ADAMTS20: variants seen among roughly 807,000 people sequenced by gnomAD.
The protein encoded by ADAMTS20 is ADAM metallopeptidase with thrombospondin type 1 motif 20, also known as A disintegrin and metalloproteinase with thrombospondin motifs 20.
A neutral mutation model predicts 260.1 loss-of-function variants in ADAMTS20; 225 were observed. The ratio of observed to expected loss-of-function variants is 0.87; its 90% CI spans 0.78 to 0.97. ADAMTS20 has a LOEUF of 0.97. Among genes scored for constraint, ADAMTS20 ranks in the 50% least tolerant of loss-of-function variants. The pLI is 0.00. For missense variants in ADAMTS20, 2,400 were observed against 2,337.7 expected, an observed-to-expected ratio of 1.03 and a Z score of -0.55; for synonymous variants, 802 against 769.5, an observed-to-expected ratio of 1.04 and a Z score of -0.70.
At chr12:43,372,237 G>A (rs1940123095) in intron 36 of ADAMTS20, among the ~76,000 whole-genome samples, 1 of 152,152 alleles carries the variant, frequency 6.6e-6, no homozygotes, top group Non-Finnish European at 1.5e-5. Flanking sequence ...CAGAGTTGTA[G>A]AAGATGAAGA....
intron 11 of ADAMTS20, among the ~76,000 whole-genome samples, chr12:43,456,139 T>C (rs936318513): frequency 6.6e-6 from 1 of 152,220 alleles, no homozygotes; most frequent in African/African-American, 2.4e-5. Context: ...ATGTCTTTTT[T>C]GCATTTCATT....
chr12:43,428,649 C>A lies in ADAMTS20; in HGVS notation c.3640G>T (p.Gly1214Trp). 1 of 1,591,042 alleles carries A rather than the reference C, an allele frequency of 6.3e-7. No individual in the cohort carries two copies. The highest frequency in any genetic ancestry group is 8.6e-7 in the Non-Finnish European group (1 of 1,167,588). The change falls in exon 25 of 39, where the codon GGG becomes TGG. Residue 1214 changes from glycine (G) to tryptophan (W), a missense_variant. By Grantham distance (184) the Gly-to-Trp change is radical (BLOSUM62 -2). Transcript: ENST00000389420. ...AGAATACTTACGGGTGACCAATCCC[C>A]TGCTTGCCACTCTCCACAAGGGGTA... is the stretch of plus-strand genomic sequence containing the variant. ...CFTPCGEWQA[G>W]DWSPCSASCG... is the part of the protein sequence containing the mutation.
At chr12:43,480,566 A>G (rs200477942) in intron 7 of ADAMTS20, among the ~76,000 whole-genome samples, 1 of 152,316 alleles carries the variant, frequency 6.6e-6, no homozygotes, top group East Asian at 1.9e-4. Flanking sequence ...GTATACATCA[A>G]TGCATAAGTA....
intron 3 of ADAMTS20, among the ~76,000 whole-genome samples, chr12:43,508,817 T>A (rs1942882546): frequency 6.6e-6 from 1 of 152,172 alleles, no homozygotes; most frequent in Non-Finnish European, 1.5e-5. Context: ...TTGCTGACTG[T>A]AGTCACCTTG....
chr12:43,439,587 G>A (rs751388720), intron 18 of ADAMTS20, 35 bp downstream of exon 18: 1 of 1,578,038 alleles, frequency 6.3e-7, no homozygotes, highest in Admixed American at 1.9e-5. Flanking sequence ...AGAATGCACA[G>A]TCAGTCTTTT....
At chr12:43,427,685 T>C (rs979347489) in intron 26 of ADAMTS20, among the ~76,000 whole-genome samples, 1 of 152,220 alleles carries the variant, frequency 6.6e-6, no homozygotes, top group African/African-American at 2.4e-5. Context: ...GGTGGGACTT[T>C]CAAGTTTGCA....
chr12:43,477,842 T>G (rs1052574970), intron 7 of ADAMTS20, among the ~76,000 whole-genome samples: 1 of 152,212 alleles, frequency 6.6e-6, no homozygotes. Flanking sequence ...TCAAGGTGCA[T>G]GTGGATGTTG....
chr12:43,492,732 G>T, intron 5 of ADAMTS20, 103 bp from the exon 6 acceptor site: 1 of 1,285,846 alleles, frequency 7.8e-7, no homozygotes, highest in Non-Finnish European at 1.1e-6. Flanking sequence ...CATTCTCACA[G>T]GTGAATGAAG....
rs11831801 is a variant in ADAMTS20 at position 43,522,541 on chromosome 12, G to A, written c.613+9495C>T. On this transcript the variant is annotated intron_variant, in intron 3 of 38. Coordinates refer to ENST00000389420, the MANE Select transcript of ADAMTS20 (RefSeq NM_025003.5). ...GAGTGGGTGACAGAGGAAGTGGAGC[G>A]AAACTAATGAGGTCTCCTGAGGAAC... Among the ~76,000 whole-genome samples, 1,270 of 152,290 alleles carry A rather than the reference G, an allele frequency of 8.3e-3. 13 individuals are homozygous for A. Among genetic ancestry groups the A allele is most frequent in the African/African-American group, 0.029 (1,195 of 41,538 alleles).
chr12:43,501,472 C>CGT (rs1565573913), intron 4 of ADAMTS20, among the ~76,000 whole-genome samples: 2 of 108,372 alleles, frequency 1.8e-5, no homozygotes, highest in Admixed American at 8.9e-5. Context: ...CGCGCGCGCG[C>CGT]GCGCGCGCGC....
rs761562992 is a variant in ADAMTS20, at chr12:43,443,864, C to A, written c.2217G>T (p.Lys739Asn). ...CAACGTTTGTTGCTCCTGCGGGAAT[C>A]TTTACAACAACATTATAACCTGCAA... ...SSHYGYNVVV[K>N]IPAGATNVDI... The change falls in exon 16 of 39, where the codon AAG becomes AAT. Residue 739 changes from lysine (K) to asparagine (N), a missense_variant. Coordinates refer to ENST00000389420, the MANE Select transcript of ADAMTS20 (RefSeq NM_025003.5). The A allele has an allele frequency of 7.4e-6, 12 of 1,613,030 alleles. No individual in the cohort carries two copies. Among genetic ancestry groups the A allele is most frequent in the Non-Finnish European group, 1.0e-5 (12 of 1,179,334 alleles).
Position 43,466,794 on chromosome 12 carries a change from G to C in ADAMTS20, c.1225C>G (p.Leu409Val), listed in dbSNP as rs144263395. ...FTIAHELGHTLGVQHDDNPRC... is the reference protein window; with the variant it reads ...FTIAHELGHTVGVQHDDNPRC... ...GGATTATCATCATGTTGAACACCAA[G>C]TCTAAAAATAAAAATAAACACTTAA... Residue 409 changes from leucine to valine, a missense_variant and splice_region_variant, in exon 9 of 39, where the codon CTT (leucine) becomes GTT (valine). Physicochemically the swap from Leu to Val is conservative, Grantham distance 32 (BLOSUM62 1). Coordinates refer to ENST00000389420, the MANE Select transcript of ADAMTS20 (RefSeq NM_025003.5). 1 of 1,583,782 alleles carries C rather than the reference G, an allele frequency of 6.3e-7. No individual in the cohort carries two copies. The highest frequency in any genetic ancestry group is 1.4e-5 in the African/African-American group (1 of 73,592).
chr12:43,409,573 G>A (rs1381137027), intron 28 of ADAMTS20, among the ~76,000 whole-genome samples: 2 of 114,660 alleles, frequency 1.7e-5, no homozygotes, highest in South Asian at 2.8e-4. Flanking sequence ...CTGCACTCCA[G>A]CCTGGGCGAC....
chr12:43,536,330 A>G (rs1196728110), intron 2 of ADAMTS20, among the ~76,000 whole-genome samples: 1 of 152,034 alleles, frequency 6.6e-6, no homozygotes, highest in Non-Finnish European at 1.5e-5. Flanking sequence ...ATTTTGATAA[A>G]CTCTATGAAC....
chr12:43,403,845 G>T (rs1279727967), intron 28 of ADAMTS20, among the ~76,000 whole-genome samples: 1 of 152,132 alleles, frequency 6.6e-6, no homozygotes. Flanking sequence ...GAGAGTCGAC[G>T]TATGAATGTT....
At chr12:43,503,512 A>G (rs1003139856) in intron 3 of ADAMTS20, among the ~76,000 whole-genome samples, 1 of 152,012 alleles carries the variant, frequency 6.6e-6, no homozygotes, top group Non-Finnish European at 1.5e-5. Flanking sequence ...GTTTCCACAG[A>G]TGAATTTTTT....
At chr12:43,482,431 A>G (rs1942456211) in intron 7 of ADAMTS20, among the ~76,000 whole-genome samples, 1 of 152,232 alleles carries the variant, frequency 6.6e-6, no homozygotes, top group Non-Finnish European at 1.5e-5. Flanking sequence ...CCTGAAACCC[A>G]GTTAGCTGCT....
intron 3 of ADAMTS20, among the ~76,000 whole-genome samples, chr12:43,523,632 G>A (rs1943101413): frequency 6.6e-6 from 1 of 152,136 alleles, no homozygotes; most frequent in Non-Finnish European, 1.5e-5. Flanking sequence ...CTTGCCAAGT[G>A]CACAGGAGCT....
At chr12:43,476,041 A>C (rs988888184) in intron 7 of ADAMTS20, among the ~76,000 whole-genome samples, 8 of 127,958 alleles carry the variant, frequency 6.3e-5, no homozygotes, top group Non-Finnish European at 1.1e-4. Context: ...AGAAACTACC[A>C]TCAGAGTGAA....
Sources: allele counts gnomAD v4.1 joint callset (sites outside exome capture counted in the v4.1 genomes callset), GRCh38; gene constraint gnomAD v4.1.1; transcripts MANE v1.5; gene names NCBI Gene and HGNC (gene_info 2026-07-23, HGNC 2026-07-21).